The following ATXN10 variants were observed in gnomAD, a reference collection of about 807,000 sequenced individuals.
ATXN10 encodes ataxin 10, also known as ataxin-10.
ATXN10 carries 28 observed loss-of-function variants against 52.9 expected under a neutral mutation model. The ratio of observed to expected loss-of-function variants is 0.53; its 90% CI spans 0.39 to 0.73. The LOEUF (loss-of-function observed/expected upper bound fraction) is 0.73, where lower values mean the gene tolerates loss of function less well. Ranked by LOEUF, ATXN10 falls within the 30% of genes least tolerant of loss-of-function variation. ATXN10 has a pLI of 0.00. For missense variants in ATXN10, 565 were observed against 577.0 expected, an observed-to-expected ratio of 0.98 and a Z score of 0.21; for synonymous variants, 226 against 221.5, an observed-to-expected ratio of 1.02 and a Z score of -0.18.
At position 45,835,257 on chromosome 22, in the gene ATXN10, C is replaced by T. The variant is rs1175315520; in HGVS notation, c.1238-7734C>T. Among the ~76,000 whole-genome samples, 2 of 152,158 alleles carry T rather than the reference C, an allele frequency of 1.3e-5. No homozygotes were observed. The highest frequency in any genetic ancestry group is 2.9e-5 in the Non-Finnish European group (2 of 68,034). On this transcript the variant is annotated intron_variant, in intron 10 of 11. Coordinates refer to ENST00000252934, the MANE Select transcript of ATXN10 (RefSeq NM_013236.4). The surrounding 1 kb of genome is among the most constrained non-coding windows in gnomAD (Gnocchi z 5.0). ...CTTTGCCTGGCGTGGGCTCATGGGT[C>T]CTGCTTTGCCTGGCGCGGGCGCTTG...
At chr22:45,695,557 T>G (rs888398588) in intron 3 of ATXN10, among the ~76,000 whole-genome samples, 1 of 150,928 alleles carries the variant, frequency 6.6e-6, no homozygotes, top group Non-Finnish European at 1.5e-5. Context: ...TGGTGCGATA[T>G]TGGCTCGCTG....
At position 45,808,887 on chromosome 22, in the gene ATXN10, C is replaced by T. The variant is rs576826673; in HGVS notation, c.1237+1865C>T. Among the ~76,000 whole-genome samples the T allele has an allele frequency of 1.1e-4, 17 of 152,256 alleles. No individual in the cohort carries two copies. The South Asian group carries it at 3.3e-3, about 30-fold the overall frequency. The stretch of plus-strand genomic sequence containing the variant: ...GATAACTGGCTTTTAGAATGATAAT[C>T]AGTGAAATATTGCAAGATCACGGAA... On this transcript the variant is annotated intron_variant, in intron 10 of 11. Coordinates refer to ENST00000252934, the MANE Select transcript of ATXN10 (RefSeq NM_013236.4).
At position 45,701,384 on chromosome 22, in the gene ATXN10, G is replaced by A. The variant is rs1375842788; in HGVS notation, c.488+1006G>A. On this transcript the variant is annotated intron_variant, in intron 4 of 11. Coordinates refer to ENST00000252934, the MANE Select transcript of ATXN10 (RefSeq NM_013236.4). This position sits in a 1 kb window ranked among gnomAD's most constrained non-coding sequence, Gnocchi z 4.2. Reference sequence around the variant, plus strand: ...GTAAATACTGTGCTGCTTAAATTCCGTAATGCCCTTCCTTGTTGTACAGCT... The same window carrying A: ...GTAAATACTGTGCTGCTTAAATTCCATAATGCCCTTCCTTGTTGTACAGCT... Among the ~76,000 whole-genome samples the A allele has an allele frequency of 6.6e-6, 1 of 152,154 alleles. No individual in the cohort carries two copies. The highest frequency in any genetic ancestry group is 6.5e-5 in the Admixed American group (1 of 15,286).
intron 10 of ATXN10, among the ~76,000 whole-genome samples, chr22:45,827,712 T>G (rs1569080489): frequency 6.6e-6 from 1 of 152,126 alleles, no homozygotes; most frequent in Non-Finnish European, 1.5e-5. Flanking sequence ...CTACTCTCAA[T>G]AATGGATAGA....
chr22:45,679,358 C>T (rs942042541), intron 1 of ATXN10: 1 of 152,100 alleles, frequency 6.6e-6, no homozygotes, highest in Non-Finnish European at 1.5e-5. Context: ...GGACAGGAAA[C>T]GTTAAATATG....
At chr22:45,713,827 G>C (rs560771839) in intron 5 of ATXN10, among the ~76,000 whole-genome samples, 6 of 152,020 alleles carry the variant, frequency 3.9e-5, no homozygotes, top group Non-Finnish European at 7.4e-5. Flanking sequence ...CCTATATAAA[G>C]ACTTTCCTCA....
chr22:45,710,895 C>T (rs1188785751), intron 5 of ATXN10, among the ~76,000 whole-genome samples: 1 of 152,122 alleles, frequency 6.6e-6, no homozygotes, highest in African/African-American at 2.4e-5. Context: ...GCATCGTTGT[C>T]CTTCAGTCAC....
At position 45,770,850 on chromosome 22, in the gene ATXN10, C is replaced by A. The variant is rs1487088118; in HGVS notation, c.1173+30312C>A. On this transcript the variant is annotated intron_variant, in intron 9 of 11. Transcript: ENST00000252934. This position sits in a 1 kb window ranked among gnomAD's most constrained non-coding sequence, Gnocchi z 4.5. Reference sequence around the variant, plus strand: ...TGGTCCCATGGCCTGGGAATACCCCCAAATTCCCTCCCTGATCCCTGAGTA... The same window carrying A: ...TGGTCCCATGGCCTGGGAATACCCCAAAATTCCCTCCCTGATCCCTGAGTA... Among the ~76,000 whole-genome samples the A allele has an allele frequency of 6.6e-6, 1 of 152,190 alleles. No individual in the cohort carries two copies. The highest frequency in any genetic ancestry group is 1.5e-5 in the Non-Finnish European group (1 of 68,034).
intron 9 of ATXN10, among the ~76,000 whole-genome samples, chr22:45,785,761 G>A (rs1197546985): frequency 2.0e-5 from 3 of 152,334 alleles, no homozygotes; most frequent in African/African-American, 7.2e-5. Flanking sequence ...GAAGCCGCGA[G>A]GCTGAGAGTC....
At chr22:45,773,477 A>G (rs1926844192) in intron 9 of ATXN10, among the ~76,000 whole-genome samples, 2 of 132,142 alleles carry the variant, frequency 1.5e-5, no homozygotes, top group African/African-American at 5.8e-5. Flanking sequence ...TATTTATTTG[A>G]GATAGGTGTC....
chr22:45,680,628 A>C (rs1388224203), intron 1 of ATXN10, among the ~76,000 whole-genome samples: 1 of 150,760 alleles, frequency 6.6e-6, no homozygotes, highest in African/African-American at 2.4e-5. Flanking sequence ...GCTAATTAAA[A>C]ATTTTTTTTT....
chr22:45,692,699 C>G (rs866512794), intron 2 of ATXN10, among the ~76,000 whole-genome samples: 5 of 152,114 alleles, frequency 3.3e-5, no homozygotes, highest in African/African-American at 1.2e-4. Context: ...TGGACTGGGA[C>G]TGTTTTTGCC....
chr22:45,756,933 G>A (rs1310454647), intron 9 of ATXN10, among the ~76,000 whole-genome samples: 1 of 152,238 alleles, frequency 6.6e-6, no homozygotes, highest in African/African-American at 2.4e-5. Flanking sequence ...GGGCAAGAGA[G>A]GGAGTTGGAG....
rs1037007062 is a variant in ATXN10, at chr22:45,842,409, C to A, written c.1238-582C>A. 1.3e-5 allele frequency among the ~76,000 whole-genome samples: 2 copies of A among 152,156 alleles called. No homozygotes were observed. The highest frequency in any genetic ancestry group is 2.9e-5 in the Non-Finnish European group (2 of 68,022). On this transcript the variant is annotated intron_variant, in intron 10 of 11. Coordinates refer to ENST00000252934, the MANE Select transcript of ATXN10 (RefSeq NM_013236.4). This position sits in a 1 kb window ranked among gnomAD's most constrained non-coding sequence, Gnocchi z 4.8. ...GCCTGAGTATTCAAACTAAACACAG[C>A]AAATCCTTCAAAGCCCTTCCAGCTT...
chr22:45,682,954 A>G (rs1192133646), intron 1 of ATXN10, among the ~76,000 whole-genome samples: 1 of 152,090 alleles, frequency 6.6e-6, no homozygotes, highest in African/African-American at 2.4e-5. Flanking sequence ...TCCCTTTAAG[A>G]TTGATTCTTT....
chr22:45,787,316 A>G lies in ATXN10; in HGVS notation c.1174-19643A>G, dbSNP rs1927354137. Among the ~76,000 whole-genome samples the G allele has an allele frequency of 6.6e-6, 1 of 152,132 alleles. No individual in the cohort carries two copies. Among genetic ancestry groups the G allele is most frequent in the South Asian group, 2.1e-4 (1 of 4,828 alleles). The stretch of plus-strand genomic sequence containing the variant: ...TGAGATTTGAGGGTGACGATCCTCT[A>G]GCTGAAATGGACTCTAATTCTCATT... On this transcript the variant is annotated intron_variant, in intron 9 of 11. Transcript: ENST00000252934. This position sits in a 1 kb window ranked among gnomAD's most constrained non-coding sequence, Gnocchi z 4.2.
intron 9 of ATXN10, among the ~76,000 whole-genome samples, chr22:45,773,689 C>T (rs1364954679): frequency 1.3e-5 from 2 of 152,084 alleles, no homozygotes; most frequent in Non-Finnish European, 2.9e-5. Flanking sequence ...AACTCCTGAC[C>T]TCTGGTGATC....
At chr22:45,751,049 G>C (rs1925928325) in intron 9 of ATXN10, among the ~76,000 whole-genome samples, 1 of 152,016 alleles carries the variant, frequency 6.6e-6, no homozygotes. Flanking sequence ...TCCTGCCTCA[G>C]CCTCCTGAGT....
chr22:45,765,587 G>A (rs1188948804), intron 9 of ATXN10, among the ~76,000 whole-genome samples: 2 of 152,008 alleles, frequency 1.3e-5, no homozygotes, highest in Non-Finnish European at 2.9e-5. Context: ...CCCTTATTGG[G>A]TGCTCATATC....
Sources: allele counts gnomAD v4.1 joint callset (sites outside exome capture counted in the v4.1 genomes callset), GRCh38; gene constraint gnomAD v4.1.1; non-coding constraint Gnocchi (gnomAD v3.1); transcripts MANE v1.5; gene names NCBI Gene and HGNC (gene_info 2026-07-23, HGNC 2026-07-21).